DCHS2: variants seen among roughly 807,000 people sequenced by gnomAD.
DCHS2 encodes the protein dachsous cadherin-related 2, also known as protocadherin-23.
Under a neutral mutation model 182.4 loss-of-function variants are expected in DCHS2, and 142 were observed. That is an observed-to-expected ratio of 0.78 (90% confidence interval 0.68 to 0.89). The LOEUF is 0.89. Ranked by LOEUF, DCHS2 falls within the 40% of genes least tolerant of loss-of-function variation. The pLI, the probability that DCHS2 is intolerant of heterozygous loss-of-function variation, is 0.00. For missense variants in DCHS2, 4,319 were observed against 4,198.6 expected (o/e 1.03, Z -0.79); for synonymous variants, 1,740 against 1,663.3 (o/e 1.05, Z -1.12).
rs1736579297 is a variant in DCHS2 at position 154,332,530 on chromosome 4, T to C, written c.3678A>G (p.Leu1226=). The change falls in exon 5 of 20, where the codon CTA becomes CTG. Residue 1226 remains leucine (L), a synonymous_variant. Transcript: ENST00000357232. ...TTCCATCAGACAAAAGGAAATATAA[T>C]AGCTGTCCATTCTTTCCAGAGTCCA... ...IDMDSGKNGQ[L]LYFLLSDGKF... is the part of the protein sequence containing the mutation. 6.2e-7 allele frequency: 1 copy of C among 1,614,200 alleles called. No individual in the cohort carries two copies. The highest frequency in any genetic ancestry group is 1.1e-5 in the South Asian group (1 of 91,084).
intron 9 of DCHS2, among the ~76,000 whole-genome samples, chr4:154,318,590 A>G (rs1735942954): frequency 2.0e-5 from 3 of 152,146 alleles, no homozygotes; most frequent in African/African-American, 7.2e-5. Context: ...TTAGAAAAAC[A>G]ATTCCATTGA....
In DCHS2 at chr4:154,321,006, T is replaced by C; in HGVS notation, c.4393A>G (p.Lys1465Glu). 1 of 1,613,978 alleles carries C rather than the reference T, an allele frequency of 6.2e-7. No individual in the cohort carries two copies. Among genetic ancestry groups the C allele is most frequent in the Non-Finnish European group, 8.5e-7 (1 of 1,179,926 alleles). ...GATGTCGTCTCATAATCAAGTTCCT[T>C]AGAAAGAAACAAGTCTCCGGTTGAG... is the stretch of plus-strand genomic sequence containing the variant. Reference protein sequence around the residue: ...DSSTGDLFLSKELDYETTSHY... With the variant: ...DSSTGDLFLSEELDYETTSHY... The change falls in exon 9 of 20, where the codon AAG becomes GAG. Residue 1465 changes from lysine to glutamate, a missense_variant. Coordinates refer to ENST00000357232, the MANE Select transcript of DCHS2 (RefSeq NM_001358235.2).
chr4:154,361,893 C>T (rs754997035), intron 3 of DCHS2, among the ~76,000 whole-genome samples: 1 of 151,292 alleles, frequency 6.6e-6, no homozygotes, highest in Non-Finnish European at 1.5e-5. Flanking sequence ...AAGCCTATAA[C>T]AGAAAGCATG....
chr4:154,342,467 T>C (rs1480364156), intron 3 of DCHS2, among the ~76,000 whole-genome samples: 38 of 152,328 alleles, frequency 2.5e-4, no homozygotes, highest in Non-Finnish European at 1.5e-5. Context: ...CATTAGAACT[T>C]CTTTAAAATT....
chr4:154,431,662 G>A (rs377304415), intron 1 of DCHS2, among the ~76,000 whole-genome samples: 2 of 152,130 alleles, frequency 1.3e-5, no homozygotes, highest in Non-Finnish European at 2.9e-5. Flanking sequence ...TTGTAATGGC[G>A]TTTCAGGATT....
At chr4:154,268,502 T>C (rs1733410841) in intron 14 of DCHS2, among the ~76,000 whole-genome samples, 1 of 152,168 alleles carries the variant, frequency 6.6e-6, no homozygotes, top group South Asian at 2.1e-4. Context: ...ATCACACTAC[T>C]CAGAATAGTG....
chr4:154,236,372 C>T lies in DCHS2; in HGVS notation c.8280G>A (p.Leu2760=), dbSNP rs770245390. The T allele has an allele frequency of 1.2e-6, 2 of 1,614,040 alleles. No homozygotes were observed. The highest frequency in any genetic ancestry group is 2.2e-5 in the East Asian group (1 of 44,832). ...ACTGAGGTGCATGGTCGTTATCATCCAGGACACTGACAAACACAACTGCAA... is the reference window on the plus strand; with the variant it reads ...ACTGAGGTGCATGGTCGTTATCATCTAGGACACTGACAAACACAACTGCAA... The part of the protein sequence containing the change: ...FSFAVVFVSV[L]DDNDHAPQFM... The change falls in exon 20 of 20, where the codon CTG becomes CTA. Residue 2760 remains leucine (L), a synonymous_variant. Transcript: ENST00000357232.
intron 2 of DCHS2, among the ~76,000 whole-genome samples, chr4:154,372,796 GCA>G (rs1357679834): frequency 6.6e-6 from 1 of 152,138 alleles, no homozygotes; most frequent in African/African-American, 2.4e-5. Flanking sequence ...AGCAGCAGCA[GCA>G]AAAATAGAGT....
In DCHS2 at chr4:154,489,871, C is replaced by A. The variant is rs1400448952; in HGVS notation, c.1485G>T (p.Gly495=). 4 of 1,543,732 alleles carry A rather than the reference C, an allele frequency of 2.6e-6. No homozygotes were observed. The highest frequency in any genetic ancestry group is 3.5e-6 in the Non-Finnish European group (4 of 1,141,874). Residue 495 remains glycine, a synonymous_variant, in exon 1 of 20, where the codon GGG becomes GGT. Transcript: ENST00000357232. The part of the protein sequence containing the change: ...PPGVFFLCVE[G]PLDRESRDLY... ...GATCGCGGCTCTCTCTGTCCAGGGG[C>A]CCCTCCACGCAAAGGAAAAATACCC...
chr4:154,265,875 G>A (rs938502245), intron 14 of DCHS2, among the ~76,000 whole-genome samples: 10 of 152,076 alleles, frequency 6.6e-5, no homozygotes, highest in African/African-American at 2.4e-4. Flanking sequence ...TATATTCTGA[G>A]ACCCCCCAGT....
intron 7 of DCHS2, among the ~76,000 whole-genome samples, chr4:154,324,774 A>T (rs760422487): frequency 1.6e-4 from 24 of 152,206 alleles, no homozygotes; most frequent in Non-Finnish European, 2.6e-4. Flanking sequence ...AACTCATAGC[A>T]TGGAGCAGGC....
At chr4:154,357,379 A>G in intron 3 of DCHS2, 2 of 1,151,154 alleles carry the variant, frequency 1.7e-6, no homozygotes, top group Admixed American at 3.5e-5. Context: ...AAAAAGAAAA[A>G]GCAGGTAAGC....
chr4:154,457,509 G>A (rs1012000374), intron 1 of DCHS2, among the ~76,000 whole-genome samples: 3 of 152,074 alleles, frequency 2.0e-5, no homozygotes, highest in Admixed American at 6.5e-5. Flanking sequence ...TAAGAATGGC[G>A]CACACATCCC....
Position 154,234,987 on chromosome 4 carries a change from G to A in DCHS2, c.9665C>T (p.Thr3222Met), listed in dbSNP as rs771060100. The A allele has an allele frequency of 1.4e-5, 23 of 1,613,926 alleles. No individual in the cohort carries two copies. The highest frequency in any genetic ancestry group is 1.8e-5 in the Non-Finnish European group (21 of 1,179,980). Residue 3222 changes from threonine (T) to methionine (M), a missense_variant, in exon 20 of 20, where the codon ACG becomes ATG. Thr to Met is a moderately conservative substitution (Grantham distance 81, BLOSUM62 -1). Transcript: ENST00000357232. Reference protein sequence around the residue: ...EVRCAALSTQTTSDHDGKDNY... With the variant: ...EVRCAALSTQMTSDHDGKDNY... ...GTCTTTTCCATCATGATCAGAGGTC[G>A]TCTGAGTTGAAAGAGCTGCACACCT...
Position 154,489,958 on chromosome 4 carries a change from G to T in DCHS2, c.1398C>A (p.Ser466Arg), listed in dbSNP as rs2111056067. 1.3e-6 allele frequency: 2 copies of T among 1,544,520 alleles called. No homozygotes were observed. Among genetic ancestry groups the T allele is most frequent in the East Asian group, 2.5e-5 (1 of 40,682 alleles). Residue 466 changes from serine to arginine, a missense_variant, in exon 1 of 20, where the codon AGC (serine) becomes AGA (arginine). By Grantham distance (110) the Ser-to-Arg change is moderately radical (BLOSUM62 -1). Coordinates refer to ENST00000357232, the MANE Select transcript of DCHS2 (RefSeq NM_001358235.2). Reference sequence around the variant, plus strand: ...CTCCGCCTTCCAAGGACAGAGAGATGCTCCCGTCTCCAAGACCCACACCAA... The same window carrying T: ...CTCCGCCTTCCAAGGACAGAGAGATTCTCCCGTCTCCAAGACCCACACCAA... ...GELGVGLGDG[S>R]ISLSLEGGEG...
intron 1 of DCHS2, among the ~76,000 whole-genome samples, chr4:154,389,422 G>C (rs1180715680): frequency 6.7e-6 from 1 of 150,206 alleles, no homozygotes; most frequent in Admixed American, 6.6e-5. Flanking sequence ...TGCATATCAG[G>C]GGCTTGTTTG....
chr4:154,331,687 G>A (rs1233221620), intron 5 of DCHS2: 2 of 1,613,768 alleles, frequency 1.2e-6, no homozygotes. Flanking sequence ...ATCTGCCCAG[G>A]TTATGACATA....
chr4:154,488,399 C>T (rs1728663476), intron 1 of DCHS2, among the ~76,000 whole-genome samples: 1 of 152,138 alleles, frequency 6.6e-6, no homozygotes, highest in Non-Finnish European at 1.5e-5. Context: ...AGAAGCTTAG[C>T]TCACACCTGA....
intron 3 of DCHS2, among the ~76,000 whole-genome samples, chr4:154,354,233 A>T (rs1729757109): frequency 6.6e-6 from 1 of 152,180 alleles, no homozygotes; most frequent in South Asian, 2.1e-4. Flanking sequence ...GCTTGAAGAT[A>T]ATTTAATGTA....
Sources: gnomAD v4.1 joint callset for allele counts (sites outside exome capture counted in the v4.1 genomes callset) on GRCh38, gnomAD v4.1.1 for gene constraint, MANE v1.5 for transcripts, NCBI Gene and HGNC (gene_info 2026-07-23, HGNC 2026-07-21) for gene names.